The following SLC29A3 variants were observed in gnomAD, a reference collection of about 807,000 sequenced individuals.
The protein encoded by SLC29A3 is equilibrative nucleoside transporter 3.
SLC29A3 carries 18 observed loss-of-function variants against 25.4 expected under a neutral mutation model. The observed-to-expected ratio is 0.71, with a 90% CI of 0.49 to 1.05. The LOEUF is 1.05. SLC29A3 is among the 50% of genes least tolerant of loss of function. The pLI is 0.00. For missense variants in SLC29A3, 586 were observed against 609.0 expected, an observed-to-expected ratio of 0.96 and a Z score of 0.40; for synonymous variants, 258 against 267.1, an observed-to-expected ratio of 0.97 and a Z score of 0.33.
rs141525681 is a variant in SLC29A3 at position 71,375,728 on chromosome 10, A to C, written c.*128A>C. 2.6e-5 allele frequency: 4 copies of C among 152,336 alleles called. No homozygotes were observed. The East Asian group carries it at 5.8e-4, about 22-fold the overall frequency. The allele number at this position is 152,336 out of a possible 1,614,324, so 9.4% of individuals were successfully genotyped here. ...ATGGAGAATCAGGCAGGAATCCCCA[A>C]ACCCCAGAGTGGTATAAGCTGACAT... On this transcript the variant is annotated 3_prime_UTR_variant and NMD_transcript_variant, in exon 4 of 5. Coordinates refer to the SLC29A3 transcript ENST00000642772.
In SLC29A3 at chr10:71,324,258, A is replaced by G. The variant is rs1405875682; in HGVS notation, c.300+1204A>G. On this transcript the variant is annotated intron_variant, in intron 2 of 5. Transcript: ENST00000373189. ...CAGGACTTACACAGTCAACCCTTGA[A>G]CAACAAGGGTTCACTTTAGATGCAG... 2.6e-5 allele frequency among the ~76,000 whole-genome samples: 4 copies of G among 152,212 alleles called. No homozygotes were observed. The East Asian group carries it at 7.7e-4, about 29-fold the overall frequency.
At chr10:71,361,649 T>C (rs868034078) in intron 5 of SLC29A3, among the ~76,000 whole-genome samples, 2 of 152,234 alleles carry the variant, frequency 1.3e-5, no homozygotes, top group African/African-American at 2.4e-5. Context: ...TCTCCTAAAA[T>C]ATAACAAAAA....
chr10:71,356,774 T>C (rs1242263596), intron 5 of SLC29A3, among the ~76,000 whole-genome samples: 2 of 152,200 alleles, frequency 1.3e-5, no homozygotes, highest in African/African-American at 4.8e-5. Context: ...TGCAGTGAGC[T>C]GACTGCACTA....
downstream of SLC29A3, chr10:71,364,427 T>TAATTTATATTTTTTTCAG (rs1847147330): frequency 6.6e-6 from 1 of 151,852 alleles, no homozygotes; most frequent in South Asian, 2.1e-4. Context: ...ACATGAAGAG[T>TAATTTATATTTTTTTCAG]AATTTATATT....
At chr10:71,347,043 G>A (rs1609651) in intron 3 of SLC29A3, among the ~76,000 whole-genome samples, 91,189 of 151,962 alleles carry the variant, frequency 0.6, 30,441 homozygotes, top group Non-Finnish European at 0.76. Context: ...AGGAGAGGGG[G>A]CAAGGGCAAT....
chr10:71,338,068 C>T (rs10999779), intron 2 of SLC29A3, among the ~76,000 whole-genome samples: 22,013 of 152,256 alleles, frequency 0.14, 2,781 homozygotes, highest in African/African-American at 0.34. Context: ...GGTACCCTGG[C>T]GCCTGGCACC....
intron 3 of SLC29A3, among the ~76,000 whole-genome samples, chr10:71,348,652 T>C (rs926853692): frequency 1.3e-5 from 2 of 152,180 alleles, no homozygotes; most frequent in Non-Finnish European, 2.9e-5. Context: ...GGGCCCCTGC[T>C]GTACTCTTAC....
chr10:71,319,267 T>C lies in SLC29A3; in HGVS notation c.-43T>C, dbSNP rs999830544. On this transcript the variant is annotated 5_prime_UTR_variant, in exon 1 of 6. Transcript: ENST00000373189. ...TGCCGCCTGCCAAGCCCAGTGGTCC[T>C]GGCCGTGCGCCGGAGGCAGCGGCGG... 10 of 614,290 alleles carry C rather than the reference T, an allele frequency of 1.6e-5. No homozygotes were observed. The highest frequency in any genetic ancestry group is 1.3e-4 in the Admixed American group (5 of 38,864). 38.1% of individuals were successfully genotyped at this position (614,290 alleles called of 1,614,324 possible).
downstream of SLC29A3, among the ~76,000 whole-genome samples, chr10:71,363,653 C>T (rs938421678): frequency 2.0e-5 from 3 of 151,686 alleles, no homozygotes; most frequent in Non-Finnish European, 2.9e-5. Flanking sequence ...TAAAATTTTT[C>T]ATAGAGATGG....
At chr10:71,321,174 T>C (rs1845838309) in intron 1 of SLC29A3, among the ~76,000 whole-genome samples, 1 of 152,200 alleles carries the variant, frequency 6.6e-6, no homozygotes, top group African/African-American at 2.4e-5. Flanking sequence ...TTGTGGGACA[T>C]AGCAAGTGCC....
intron 3 of SLC29A3, 64 bp from the exon 4 acceptor site, chr10:71,351,498 C>A: frequency 6.7e-7 from 1 of 1,491,248 alleles, no homozygotes; most frequent in Non-Finnish European, 9.3e-7. Flanking sequence ...AGGTGGCTCA[C>A]CAGCCCCAGC....
rs142150855 is a variant in SLC29A3, at chr10:71,325,940, A to G, written c.300+2886A>G. Among the ~76,000 whole-genome samples the G allele has an allele frequency of 3.4e-4, 47 of 139,292 alleles. 1 individual carries two copies. The East Asian group carries it at 9.8e-3, about 29-fold the overall frequency. The allele number at this position is 139,292 out of a possible 152,430, so 91.4% of individuals were successfully genotyped here. On this transcript the variant is annotated intron_variant, in intron 2 of 5. Transcript: ENST00000373189. ...CTTTTTTTTTTTTTTTTTTTGAGACAGGGTCTTGCACTGTCACCCAGGCTG... is the reference window on the plus strand; with the variant it reads ...CTTTTTTTTTTTTTTTTTTTGAGACGGGGTCTTGCACTGTCACCCAGGCTG...
chr10:71,343,944 C>G, intron 2 of SLC29A3, among the ~76,000 whole-genome samples: 1 of 152,212 alleles, frequency 6.6e-6, no homozygotes, highest in South Asian at 2.1e-4. Flanking sequence ...AAGGGCCTCA[C>G]TGGGGACAGG....
chr10:71,359,432 TGGTG>T lies in SLC29A3; in HGVS notation c.774-2519_774-2516del, dbSNP rs550293737. Reference sequence around the variant, plus strand: ...AGGAAGAGCTGCGACCAGAGGAACTTGGTGGGGAATTTCCTGAGAGCAGACTTAA... The same window carrying T: ...AGGAAGAGCTGCGACCAGAGGAACTTGGGAATTTCCTGAGAGCAGACTTAA... On this transcript the variant is annotated intron_variant, in intron 5 of 5. Coordinates refer to ENST00000373189, the MANE Select transcript of SLC29A3 (RefSeq NM_018344.6). Among the ~76,000 whole-genome samples, 10 of 152,208 alleles carry T rather than the reference TGGTG, an allele frequency of 6.6e-5. No homozygotes were observed. The South Asian group carries it at 2.1e-3, about 32-fold the overall frequency.
chr10:71,320,054 T>A (rs1424396979), intron 1 of SLC29A3, among the ~76,000 whole-genome samples: 2 of 152,226 alleles, frequency 1.3e-5, no homozygotes, highest in African/African-American at 2.4e-5. Context: ...TAAAGACTAA[T>A]AAGACTTTGC....
chr10:71,375,008 C>T (rs1370312645), intron 3 of SLC29A3, among the ~76,000 whole-genome samples: 1 of 152,212 alleles, frequency 6.6e-6, no homozygotes, highest in African/African-American at 2.4e-5. Flanking sequence ...AACAGCTCAT[C>T]TCACCTATGC....
At position 71,320,535 on chromosome 10, in the gene SLC29A3, T is replaced by C. The variant is rs1036793257; in HGVS notation, c.1+1225T>C. Among the ~76,000 whole-genome samples the C allele has an allele frequency of 4.6e-5, 7 of 152,292 alleles. No homozygotes were observed. The East Asian group carries it at 1.4e-3, about 29-fold the overall frequency. ...TGCTGTGCCTTCACATGGCTTTTCCTCTATGAGTGGGTGCATGTGGAAAAA... is the reference window on the plus strand; with the variant it reads ...TGCTGTGCCTTCACATGGCTTTTCCCCTATGAGTGGGTGCATGTGGAAAAA... On this transcript the variant is annotated intron_variant, in intron 1 of 5. Transcript: ENST00000373189.
At chr10:71,344,819 G>C (rs753331444) in intron 3 of SLC29A3, among the ~76,000 whole-genome samples, 2 of 152,224 alleles carry the variant, frequency 1.3e-5, no homozygotes, top group Non-Finnish European at 2.9e-5. Context: ...GTGACTTGCT[G>C]GCTCAAATTC....
At chr10:71,321,073 G>T (rs1589219023) in intron 1 of SLC29A3, among the ~76,000 whole-genome samples, 2 of 152,344 alleles carry the variant, frequency 1.3e-5, no homozygotes, top group South Asian at 4.1e-4. Context: ...ATATTAGGCT[G>T]TTGTCAGCCT....
Sources: allele counts gnomAD v4.1 joint callset (sites outside exome capture counted in the v4.1 genomes callset), GRCh38; gene constraint gnomAD v4.1.1; transcripts MANE v1.5; gene names NCBI Gene and HGNC (gene_info 2026-07-23, HGNC 2026-07-21).